Variants in EPHA5 observed in about 807,000 individuals in gnomAD.
EPHA5 encodes the protein ephrin type-A receptor 5.
Under a neutral mutation model 105.0 loss-of-function variants are expected in EPHA5, and 60 were observed. The observed-to-expected ratio is 0.57, with a 90% CI of 0.46 to 0.71. The LOEUF (loss-of-function observed/expected upper bound fraction) is 0.71. Ranked by LOEUF, EPHA5 falls within the 30% of genes least tolerant of loss-of-function variation. EPHA5 has a pLI of 0.00. For missense variants in EPHA5, 1,218 were observed against 1,274.7 expected (o/e 0.96, Z 0.68); for synonymous variants, 513 against 449.1 (o/e 1.14, Z -1.80).
At chr4:65,397,303 T>C (rs549958439) in intron 8 of EPHA5, among the ~76,000 whole-genome samples, 1 of 152,260 alleles carries the variant, frequency 6.6e-6, no homozygotes, top group African/African-American at 2.4e-5. Context: ...TCTCCTCTCT[T>C]AGCAAGATTG....
At chr4:65,556,854 A>G (rs1450242312) in intron 3 of EPHA5, among the ~76,000 whole-genome samples, 1 of 152,072 alleles carries the variant, frequency 6.6e-6, no homozygotes, top group Non-Finnish European at 1.5e-5. Context: ...AGCTATCCCA[A>G]TTATTGATGT....
In EPHA5 at chr4:65,414,456, A is replaced by G. The variant is rs984378950; in HGVS notation, c.1528-13T>C. On this transcript the variant is annotated splice_polypyrimidine_tract_variant and intron_variant, in intron 6 of 16. Transcript: ENST00000613740. Reference sequence around the variant, plus strand: ...TGGTCTCTTGGTCCTTGGGATGCGCATGCATATACAATAAAAAAGACAGCA... The same window carrying G: ...TGGTCTCTTGGTCCTTGGGATGCGCGTGCATATACAATAAAAAAGACAGCA... 1.1e-5 allele frequency: 17 copies of G among 1,611,848 alleles called. No homozygotes were observed. Among genetic ancestry groups the G allele is most frequent in the South Asian group, 4.4e-5 (4 of 90,918 alleles).
At chr4:65,463,421 A>G (rs1728309998) in intron 5 of EPHA5, among the ~76,000 whole-genome samples, 1 of 152,198 alleles carries the variant, frequency 6.6e-6, no homozygotes, top group Admixed American at 6.5e-5. Flanking sequence ...CATGTGTTTT[A>G]GAAAATGATT....
At chr4:65,380,535 T>A (rs1210646872) in intron 8 of EPHA5, among the ~76,000 whole-genome samples, 1 of 151,722 alleles carries the variant, frequency 6.6e-6, no homozygotes, top group African/African-American at 2.4e-5. Flanking sequence ...GGATAAATTA[T>A]GACTTAAATT....
rs1577802856 is a variant in EPHA5 at position 65,323,994 on chromosome 4, T to C, written c.*120A>G. 7.8e-6 allele frequency: 5 copies of C among 642,748 alleles called. No individual in the cohort carries two copies. In the East Asian group the frequency reaches 1.2e-4, roughly 15 times the overall value. 39.8% of individuals were successfully genotyped at this position (642,748 alleles called of 1,614,324 possible). ...TTACAAATTCTGTGGCTGAGGCAAA[T>C]GTTTTCTAAGGTTTAGAAATCACTG... On this transcript the variant is annotated 3_prime_UTR_variant, in exon 17 of 17. Transcript: ENST00000613740.
At chr4:65,347,685 G>C (rs1020052118) in intron 14 of EPHA5, among the ~76,000 whole-genome samples, 1 of 152,038 alleles carries the variant, frequency 6.6e-6, no homozygotes, top group African/African-American at 2.4e-5. Flanking sequence ...CTATTGGTTT[G>C]GAGTATTAGC....
intron 3 of EPHA5, among the ~76,000 whole-genome samples, chr4:65,544,098 T>C (rs1737132221): frequency 6.6e-6 from 1 of 151,940 alleles, no homozygotes; most frequent in Admixed American, 6.6e-5. Context: ...AATACTTAAA[T>C]GTAAAACCCA....
chr4:65,548,375 A>G (rs1737587000), intron 3 of EPHA5, among the ~76,000 whole-genome samples: 1 of 150,920 alleles, frequency 6.6e-6, no homozygotes, highest in Admixed American at 6.6e-5. Flanking sequence ...AAAATTCCAG[A>G]TCAAAATATA....
chr4:65,537,104 A>G (rs1352495517), intron 3 of EPHA5, among the ~76,000 whole-genome samples: 1 of 151,808 alleles, frequency 6.6e-6, no homozygotes, highest in East Asian at 1.9e-4. Flanking sequence ...AATAGTGAGT[A>G]TCTGTATTTT....
intron 5 of EPHA5, among the ~76,000 whole-genome samples, chr4:65,432,724 C>T (rs1205405121): frequency 2.0e-5 from 3 of 151,978 alleles, no homozygotes; most frequent in African/African-American, 7.2e-5. Context: ...GGCAGTGCTA[C>T]ACCCAGCTAG....
At chr4:65,589,128 G>A (rs1391110934) in intron 3 of EPHA5, among the ~76,000 whole-genome samples, 1 of 151,970 alleles carries the variant, frequency 6.6e-6, no homozygotes, top group Non-Finnish European at 1.5e-5. Flanking sequence ...AGTATGAACT[G>A]GTTTCTAACA....
chr4:65,376,864 A>G (rs1399732527), intron 8 of EPHA5: 1 of 608,952 alleles, frequency 1.6e-6, no homozygotes, highest in Non-Finnish European at 2.7e-6. Flanking sequence ...TTGTGAAATC[A>G]CTTGTTAGGA....
chr4:65,338,749 A>T (rs73822110), intron 14 of EPHA5, among the ~76,000 whole-genome samples: 1 of 152,026 alleles, frequency 6.6e-6, no homozygotes, highest in Non-Finnish European at 1.5e-5. Context: ...TTTATATTAG[A>T]AGTTTCCTTT....
chr4:65,576,052 A>T, intron 3 of EPHA5, among the ~76,000 whole-genome samples: 1 of 95,586 alleles, frequency 1.0e-5, no homozygotes, highest in East Asian at 3.3e-4. Context: ...GAAAGAAAGA[A>T]AGAAAGAAAA....
At chr4:65,665,993 A>T (rs184907177) in intron 1 of EPHA5, among the ~76,000 whole-genome samples, 6 of 152,312 alleles carry the variant, frequency 3.9e-5, no homozygotes, top group African/African-American at 1.2e-4. Flanking sequence ...CAACAGGATG[A>T]CAAGGCCACA....
intron 3 of EPHA5, among the ~76,000 whole-genome samples, chr4:65,527,419 T>C (rs1206619536): frequency 6.6e-6 from 1 of 152,082 alleles, no homozygotes; most frequent in Admixed American, 6.6e-5. Context: ...GAATTAGCGA[T>C]AGACACACAC....
At position 65,321,612 on chromosome 4, in the gene EPHA5, C is replaced by T. The variant is rs1719647188; in HGVS notation, c.*2502G>A. ...AAAACTATGTGGCTATTTAACTTTCCTTTCAATTTACTTTCCAAAATGATC... is the reference window on the plus strand; with the variant it reads ...AAAACTATGTGGCTATTTAACTTTCTTTTCAATTTACTTTCCAAAATGATC... On this transcript the variant is annotated 3_prime_UTR_variant, in exon 17 of 17. Transcript: ENST00000613740. The T allele has an allele frequency of 4.4e-6, 1 of 229,060 alleles. No individual in the cohort carries two copies. The highest frequency in any genetic ancestry group is 6.2e-5 in the East Asian group (1 of 16,134). 14.2% of individuals were successfully genotyped at this position (229,060 alleles called of 1,614,324 possible). A position where few individuals can be genotyped will look rare whatever the true frequency, so the allele number is the denominator to read the frequency against.
chr4:65,666,620 T>TA (rs1407020662), intron 1 of EPHA5, among the ~76,000 whole-genome samples: 1 of 152,184 alleles, frequency 6.6e-6, no homozygotes, highest in Admixed American at 6.5e-5. Flanking sequence ...TCTTTTATAA[T>TA]AAAAAAGTTT....
chr4:65,375,209 A>C (rs1174692958), intron 8 of EPHA5, among the ~76,000 whole-genome samples: 5 of 151,850 alleles, frequency 3.3e-5, no homozygotes, highest in Non-Finnish European at 5.9e-5. Context: ...TAATATTTCC[A>C]GCTTTTCCAG....
Sources: gnomAD v4.1 joint callset for allele counts (sites outside exome capture counted in the v4.1 genomes callset) on GRCh38, gnomAD v4.1.1 for gene constraint, MANE v1.5 for transcripts, NCBI Gene and HGNC (gene_info 2026-07-23, HGNC 2026-07-21) for gene names.